Variants in GALNT9 observed in about 807,000 individuals in gnomAD.
GALNT9 encodes the protein GalNAc transferase 9.
GALNT9 carries 47 observed loss-of-function variants against 63.1 expected under a neutral mutation model. That is an observed-to-expected ratio of 0.75 (90% confidence interval 0.59 to 0.95). The LOEUF is 0.95. GALNT9 is among the 40% of genes least tolerant of loss of function. GALNT9 has a pLI of 0.00. For missense variants in GALNT9, 829 were observed against 874.8 expected, an observed-to-expected ratio of 0.95 and a Z score of 0.66; for synonymous variants, 396 against 365.7, an observed-to-expected ratio of 1.08 and a Z score of -0.94.
intron 1 of GALNT9, among the ~76,000 whole-genome samples, chr12:132,306,235 C>A (rs1881608738): frequency 6.6e-6 from 1 of 152,244 alleles, no homozygotes; most frequent in Non-Finnish European, 1.5e-5. Context: ...CCGGCACCTG[C>A]CCGGGCCTCC....
intron 6 of GALNT9, among the ~76,000 whole-genome samples, chr12:132,215,365 C>T (rs1449850145): frequency 2.0e-5 from 3 of 152,252 alleles, no homozygotes; most frequent in African/African-American, 7.2e-5. Context: ...GGCCAGGACG[C>T]GGCGCCCGGC....
chr12:132,203,955 T>G (rs1049714447), intron 6 of GALNT9, among the ~76,000 whole-genome samples: 4 of 150,916 alleles, frequency 2.7e-5, no homozygotes, highest in African/African-American at 4.9e-5. Flanking sequence ...GGGAGGGGGG[T>G]TTATTCTACC....
rs548210813 is a variant in GALNT9 at position 132,271,557 on chromosome 12, G to A, written c.420-8932C>T. Among the ~76,000 whole-genome samples the A allele has an allele frequency of 2.2e-3, 341 of 152,172 alleles. 4 individuals carry two copies. The highest frequency in any genetic ancestry group is 7.6e-3 in the African/African-American group (317 of 41,520). ...CCCTGTCCCCCGAGGTGACGCCGAC[G>A]TGGGTGTGACAAGTGTCCCTCCAGG... On this transcript the variant is annotated intron_variant, in intron 2 of 10. Coordinates refer to ENST00000328957, the MANE Select transcript of GALNT9 (RefSeq NM_001122636.2).
chr12:132,269,224 C>T (rs1170916787), intron 2 of GALNT9, among the ~76,000 whole-genome samples: 4 of 151,852 alleles, frequency 2.6e-5, no homozygotes, highest in Non-Finnish European at 4.4e-5. Flanking sequence ...GTCACCTGCC[C>T]GACTGCGGCC....
At chr12:132,216,845 C>T (rs1473871138) in intron 6 of GALNT9, among the ~76,000 whole-genome samples, 2 of 152,250 alleles carry the variant, frequency 1.3e-5, no homozygotes, top group South Asian at 2.1e-4. Context: ...CTGGGCTTTT[C>T]GCCCTTGTGG....
At chr12:132,309,528 T>C (rs1332134761) in intron 1 of GALNT9, among the ~76,000 whole-genome samples, 1 of 152,092 alleles carries the variant, frequency 6.6e-6, no homozygotes, top group Non-Finnish European at 1.5e-5. Context: ...GGGGTGTAAA[T>C]CCAGTAAGAA....
At chr12:132,322,781 C>T (rs1442571134) in intron 1 of GALNT9, among the ~76,000 whole-genome samples, 1 of 152,204 alleles carries the variant, frequency 6.6e-6, no homozygotes. Context: ...TGCTTCCGTG[C>T]TACGAGATGA....
chr12:132,226,227 A>AC (rs1488932427), intron 6 of GALNT9, among the ~76,000 whole-genome samples: 17 of 143,498 alleles, frequency 1.2e-4, no homozygotes, highest in African/African-American at 4.5e-4. Context: ...CCACACATAC[A>AC]CCCCATACAC....
chr12:132,256,730 C>A (rs558652384), intron 5 of GALNT9, among the ~76,000 whole-genome samples: 1 of 151,784 alleles, frequency 6.6e-6, no homozygotes, highest in Non-Finnish European at 1.5e-5. Context: ...GAAGGAGCTG[C>A]CGGTTTTCCA....
In GALNT9 at chr12:132,286,155, C is replaced by T. The variant is rs1397634041; in HGVS notation, c.419+95G>A. Reference sequence around the variant, plus strand: ...CGGGCGTGGGGGCCGCTCACTTCCCCGGCCGGCGTGGGGGGCAGTCACTTC... The same window carrying T: ...CGGGCGTGGGGGCCGCTCACTTCCCTGGCCGGCGTGGGGGGCAGTCACTTC... On this transcript the variant is annotated intron_variant, in intron 2 of 10. Coordinates refer to ENST00000328957, the MANE Select transcript of GALNT9 (RefSeq NM_001122636.2). The surrounding 1 kb of genome is among the most constrained non-coding windows in gnomAD (Gnocchi z 7.4). 2.3e-5 allele frequency: 31 copies of T among 1,371,570 alleles called. No individual in the cohort carries two copies. The highest frequency in any genetic ancestry group is 1.4e-4 in the African/African-American group (9 of 63,302). 85.0% of individuals were successfully genotyped at this position (1,371,570 alleles called of 1,614,324 possible). A position where few individuals can be genotyped will look rare whatever the true frequency, so the allele number is the denominator to read the frequency against.
At chr12:132,257,503 C>G (rs1879173417) in intron 5 of GALNT9, among the ~76,000 whole-genome samples, 186 bp downstream of exon 5, 1 of 21,662 alleles carries the variant, frequency 4.6e-5, no homozygotes, top group African/African-American at 1.2e-4. Flanking sequence ...TCCTCATGCC[C>G]TCATCCCCAC....
intron 6 of GALNT9, among the ~76,000 whole-genome samples, chr12:132,219,548 G>A (rs1175035697): frequency 6.6e-6 from 1 of 152,194 alleles, no homozygotes; most frequent in African/African-American, 2.4e-5. Context: ...ATGAACTCAG[G>A]GTGGGGACGA....
Position 132,252,490 on chromosome 12 carries a change from C to T in GALNT9, c.960-4463G>A, listed in dbSNP as rs1365399170. 1.3e-5 allele frequency among the ~76,000 whole-genome samples: 2 copies of T among 152,138 alleles called. No individual in the cohort carries two copies. Among genetic ancestry groups the T allele is most frequent in the African/African-American group, 4.8e-5 (2 of 41,400 alleles). On this transcript the variant is annotated intron_variant, in intron 5 of 10. Transcript: ENST00000328957. This position sits in a 1 kb window ranked among gnomAD's most constrained non-coding sequence, Gnocchi z 5.2. ...CTACAGGGCTTAGCGGGTGTTCTCC[C>T]CGTGTGCAGAGACAAGAGATTGTCA...
intron 1 of GALNT9, among the ~76,000 whole-genome samples, chr12:132,303,651 G>A (rs371355375): frequency 0.25 from 3,558 of 14,412 alleles, 228 homozygotes; most frequent in East Asian, 0.48. Context: ...ACACACCCTC[G>A]CCTGGGCACA....
chr12:132,250,010 C>T (rs183682373), intron 5 of GALNT9, among the ~76,000 whole-genome samples: 69 of 152,334 alleles, frequency 4.5e-4, no homozygotes, highest in Non-Finnish European at 7.9e-4. Flanking sequence ...CAGCCGGACG[C>T]CTCTTGTTAG....
Position 132,253,589 on chromosome 12 carries a change from TTGA to T in GALNT9, c.959+4097_959+4099del, listed in dbSNP as rs1879005717. The stretch of plus-strand genomic sequence containing the variant: ...TGATTAATAATGTTTATAATAATGA[TTGA>T]TAATTGTCCATGATCATCTCTATAT... On this transcript the variant is annotated intron_variant, in intron 5 of 10. Coordinates refer to ENST00000328957, the MANE Select transcript of GALNT9 (RefSeq NM_001122636.2). Among the ~76,000 whole-genome samples the T allele has an allele frequency of 3.3e-5, 5 of 152,242 alleles. No homozygotes were observed. The South Asian group carries it at 1.0e-3, about 32-fold the overall frequency.
chr12:132,291,794 C>T (rs1229706277), intron 1 of GALNT9, among the ~76,000 whole-genome samples: 2 of 152,226 alleles, frequency 1.3e-5, no homozygotes, highest in Non-Finnish European at 2.9e-5. Context: ...CCCTGCTTCC[C>T]CATCCCCTCC....
intron 1 of GALNT9, among the ~76,000 whole-genome samples, chr12:132,311,292 T>C (rs1415486782): frequency 6.6e-6 from 1 of 152,010 alleles, no homozygotes; most frequent in Non-Finnish European, 1.5e-5. Flanking sequence ...TCTCCCTCCG[T>C]AAACAGGGGT....
In GALNT9 at chr12:132,197,866, T is replaced by G; in HGVS notation, c.1591A>C (p.Thr531Pro). Residue 531 changes from threonine to proline, a missense_variant, in exon 10 of 11, where the codon ACG becomes CCG. By Grantham distance (38) the Thr-to-Pro change is conservative. Coordinates refer to ENST00000328957, the MANE Select transcript of GALNT9 (RefSeq NM_001122636.2). ...TTCTTCAGGGTGGGCATGCGGCCCG[T>G]GCCGTCATCCACCAGACACTTGGAG... ...PDSKCLVDDG[T>P]GRMPTLKKCE... is the part of the protein sequence containing the mutation. 6.2e-7 allele frequency: 1 copy of G among 1,610,188 alleles called. No individual in the cohort carries two copies. The highest frequency in any genetic ancestry group is 8.5e-7 in the Non-Finnish European group (1 of 1,178,984).
Sources: allele counts gnomAD v4.1 joint callset (sites outside exome capture counted in the v4.1 genomes callset), GRCh38; gene constraint gnomAD v4.1.1; non-coding constraint Gnocchi (gnomAD v3.1); transcripts MANE v1.5; gene names NCBI Gene and HGNC (gene_info 2026-07-23, HGNC 2026-07-21).